CDH13: variants seen among roughly 807,000 people sequenced by gnomAD.
CDH13 encodes cadherin-13.
CDH13 carries 24 observed loss-of-function variants against 63.8 expected under a neutral mutation model. The observed-to-expected ratio is 0.38, with a 90% confidence interval of 0.27 to 0.53. The LOEUF (loss-of-function observed/expected upper bound fraction) is 0.53, where lower values mean the gene tolerates loss of function less well. CDH13 is among the 20% of genes least tolerant of loss of function. The pLI, the probability that CDH13 is intolerant of heterozygous loss-of-function variation, is 0.85. For synonymous variants in CDH13, 503 were observed against 355.3 expected (o/e 1.42, Z -4.67); for missense variants, 1,049 against 903.1 (o/e 1.16, Z -2.07).
chr16:83,774,627 G>C (rs1166536543), intron 11 of CDH13, among the ~76,000 whole-genome samples: 1 of 152,120 alleles, frequency 6.6e-6, no homozygotes. Context: ...GCCCACTTCA[G>C]CCTCCCAGAG....
At chr16:83,150,218 C>T (rs1442653499) in intron 4 of CDH13, among the ~76,000 whole-genome samples, 1 of 152,188 alleles carries the variant, frequency 6.6e-6, no homozygotes, top group Admixed American at 6.5e-5. Context: ...CAATCTCCAT[C>T]CACCAATGAG....
chr16:82,684,895 A>G (rs773772542), intron 1 of CDH13, among the ~76,000 whole-genome samples: 1 of 152,210 alleles, frequency 6.6e-6, no homozygotes, highest in Non-Finnish European at 1.5e-5. Context: ...CAACTTGGGT[A>G]TTCTTTGAGG....
chr16:82,967,199 A>C lies in CDH13; in HGVS notation c.158-64811A>C, dbSNP rs145432631. ...GAACTTCCTATGTCAACACCTAAAT[A>C]ATCTCTGCCACCCCCACCCCCATGG... On this transcript the variant is annotated intron_variant, in intron 2 of 13. Coordinates refer to ENST00000567109, the MANE Select transcript of CDH13 (RefSeq NM_001257.5). Among the ~76,000 whole-genome samples the C allele has an allele frequency of 1.7e-3, 255 of 152,084 alleles. 1 individual carries two copies. The highest frequency in any genetic ancestry group is 6.0e-3 in the African/African-American group (247 of 41,484).
At chr16:83,524,482 T>C (rs1179219603) in intron 7 of CDH13, among the ~76,000 whole-genome samples, 1 of 129,370 alleles carries the variant, frequency 7.7e-6, no homozygotes, top group Non-Finnish European at 1.6e-5. Context: ...AGATGAAGTC[T>C]TACACTGTTG....
chr16:82,679,281 CTGT>C (rs1567619243), intron 1 of CDH13, among the ~76,000 whole-genome samples: 1 of 152,174 alleles, frequency 6.6e-6, no homozygotes, highest in Non-Finnish European at 1.5e-5. Context: ...ACCTGGGAAG[CTGT>C]TGTTGATCAC....
chr16:82,888,625 G>A (rs2040974201), intron 2 of CDH13, among the ~76,000 whole-genome samples: 1 of 152,208 alleles, frequency 6.6e-6, no homozygotes, highest in African/African-American at 2.4e-5. Context: ...AGATGGCCTT[G>A]TAGACCTCCC....
At chr16:83,343,502 A>G (rs1050751105) in intron 5 of CDH13, among the ~76,000 whole-genome samples, 2 of 152,248 alleles carry the variant, frequency 1.3e-5, no homozygotes, top group African/African-American at 4.8e-5. Flanking sequence ...AAACGGAACA[A>G]AAGTATGAGT....
chr16:83,389,481 A>T (rs910334648), intron 6 of CDH13, among the ~76,000 whole-genome samples: 5 of 152,232 alleles, frequency 3.3e-5, no homozygotes, highest in African/African-American at 9.6e-5. Flanking sequence ...GCCAATCCAG[A>T]TGGATCTGGT....
At position 83,283,099 on chromosome 16, in the gene CDH13, C is replaced by T. The variant is rs188771970; in HGVS notation, c.637-61763C>T. ...ATGGGGCTGCTCAATAAATGTTGGTCCTCTTCTCTAGAAACCCTGACTCAT... is the reference window on the plus strand; with the variant it reads ...ATGGGGCTGCTCAATAAATGTTGGTTCTCTTCTCTAGAAACCCTGACTCAT... On this transcript the variant is annotated intron_variant, in intron 5 of 13. Transcript: ENST00000567109. 1.9e-3 allele frequency among the ~76,000 whole-genome samples: 292 copies of T among 152,212 alleles called. 1 individual carries two copies. The highest frequency in any genetic ancestry group is 3.0e-3 in the Non-Finnish European group (206 of 68,004).
At chr16:83,513,277 G>C (rs78871086) in intron 7 of CDH13, among the ~76,000 whole-genome samples, 1 of 152,248 alleles carries the variant, frequency 6.6e-6, no homozygotes, top group Admixed American at 6.5e-5. Context: ...CTCAGCCCCT[G>C]ACCACAGAGT....
intron 3 of CDH13, among the ~76,000 whole-genome samples, chr16:83,089,036 A>T (rs1020371108): frequency 5.3e-5 from 8 of 152,196 alleles, no homozygotes; most frequent in Non-Finnish European, 1.2e-4. Context: ...AATATTTACT[A>T]CCTGGTTCTT....
chr16:83,578,096 G>A (rs897176918), intron 7 of CDH13, among the ~76,000 whole-genome samples: 2 of 152,184 alleles, frequency 1.3e-5, no homozygotes, highest in African/African-American at 4.8e-5. Flanking sequence ...TTAAACAGCA[G>A]CAATCTTCAG....
At chr16:83,686,818 A>C (rs2150884507) in intron 10 of CDH13, among the ~76,000 whole-genome samples, 1 of 152,290 alleles carries the variant, frequency 6.6e-6, no homozygotes, top group South Asian at 2.1e-4. Context: ...ATCCCAGCAT[A>C]AGGACTGGTG....
chr16:82,731,025 T>C (rs561051682), intron 1 of CDH13, among the ~76,000 whole-genome samples: 1 of 152,342 alleles, frequency 6.6e-6, no homozygotes, highest in African/African-American at 2.4e-5. Context: ...TGGTGAAATC[T>C]ATATAATGGG....
chr16:82,810,337 G>A (rs1597663863), intron 1 of CDH13, among the ~76,000 whole-genome samples: 1 of 152,142 alleles, frequency 6.6e-6, no homozygotes, highest in Non-Finnish European at 1.5e-5. Flanking sequence ...AATGCCTGCC[G>A]AACAGAAGGA....
intron 1 of CDH13, among the ~76,000 whole-genome samples, chr16:82,809,289 A>T (rs1276885133): frequency 7.1e-6 from 1 of 140,916 alleles, no homozygotes; most frequent in Non-Finnish European, 1.5e-5. Context: ...AGTGAGTTTG[A>T]CCACCTCTCA....
At position 82,964,908 on chromosome 16, in the gene CDH13, G is replaced by C. The variant is rs574213147; in HGVS notation, c.158-67102G>C. ...TTTAGTGAATTAGCCGAGGATATAG[G>C]GGAATGGTTGGCAGGGGCCAGAAGT... On this transcript the variant is annotated intron_variant, in intron 2 of 13. Coordinates refer to ENST00000567109, the MANE Select transcript of CDH13 (RefSeq NM_001257.5). Among the ~76,000 whole-genome samples, 40 of 152,230 alleles carry C rather than the reference G, an allele frequency of 2.6e-4. No individual in the cohort carries two copies. The South Asian group carries it at 8.1e-3, about 31-fold the overall frequency.
chr16:83,662,339 G>A (rs544575613), intron 8 of CDH13, among the ~76,000 whole-genome samples: 13 of 152,270 alleles, frequency 8.5e-5, no homozygotes, highest in Non-Finnish European at 1.6e-4. Flanking sequence ...TTGCATGATG[G>A]AGATAACATG....
At chr16:83,556,344 G>A (rs540470335) in intron 7 of CDH13, among the ~76,000 whole-genome samples, 80 of 152,312 alleles carry the variant, frequency 5.3e-4, no homozygotes, top group African/African-American at 1.9e-3. Flanking sequence ...AGGAGGAGGA[G>A]GCAAATACTG....
Sources: allele counts gnomAD v4.1 joint callset (sites outside exome capture counted in the v4.1 genomes callset), GRCh38; gene constraint gnomAD v4.1.1; transcripts MANE v1.5; gene names NCBI Gene and HGNC (gene_info 2026-07-23, HGNC 2026-07-21).